RPH3AL: variants seen among roughly 807,000 people sequenced by gnomAD.
RPH3AL encodes the protein rabphilin 3A like (without C2 domains), also known as rab effector Noc2.
In RPH3AL, 38 loss-of-function variants were observed where a neutral mutation model predicts 43.1. That is an observed-to-expected ratio of 0.88 (90% CI 0.68 to 1.15). RPH3AL has a LOEUF of 1.15. Among genes scored for constraint, RPH3AL ranks in the 50% most tolerant of loss-of-function variants. RPH3AL has a pLI of 0.00. For missense variants in RPH3AL, 462 were observed against 423.2 expected (o/e 1.09, Z -0.81); for synonymous variants, 189 against 176.3 (o/e 1.07, Z -0.57).
intron 5 of RPH3AL, among the ~76,000 whole-genome samples, chr17:304,492 C>T (rs370915188): frequency 4.5e-4 from 69 of 152,296 alleles, no homozygotes; most frequent in African/African-American, 1.4e-3. Context: ...TCTGCTGAGG[C>T]TCAAACAACT....
rs867357871 is a variant in RPH3AL at position 299,553 on chromosome 17, C to G, written c.352-17699G>C. On this transcript the variant is annotated intron_variant, in intron 5 of 9. Coordinates refer to ENST00000331302, the MANE Select transcript of RPH3AL (RefSeq NM_006987.4). ...GCCCCCCGTGTCCTCCCACAGGGAA[C>G]AAGACGGGCCAAGTCCATCCCCAGT... Among the ~76,000 whole-genome samples, 8 of 152,308 alleles carry G rather than the reference C, an allele frequency of 5.3e-5. No homozygotes were observed. The South Asian group carries it at 6.2e-4, about 12-fold the overall frequency.
chr17:275,873 C>A (rs2042644275), intron 6 of RPH3AL, among the ~76,000 whole-genome samples: 1 of 152,190 alleles, frequency 6.6e-6, no homozygotes, highest in Admixed American at 6.5e-5. Context: ...TTATTTAAAT[C>A]TTGAACACAC....
Position 290,039 on chromosome 17 carries a change from G to A in RPH3AL, c.352-8185C>T, listed in dbSNP as rs568042743. ...GTTCACCCTCCTGCTCCCTGTGCCC[G>A]GCACAGTGACTATTTGCAGAAGAAC... On this transcript the variant is annotated intron_variant, in intron 5 of 9. Transcript: ENST00000331302. This position sits in a 1 kb window ranked among gnomAD's most constrained non-coding sequence, Gnocchi z 4.2. Among the ~76,000 whole-genome samples the A allele has an allele frequency of 8.5e-5, 13 of 152,276 alleles. No individual in the cohort carries two copies. The East Asian group carries it at 1.9e-3, about 23-fold the overall frequency.
At chr17:221,603 T>G (rs1310840081) in intron 7 of RPH3AL, among the ~76,000 whole-genome samples, 24 of 139,328 alleles carry the variant, frequency 1.7e-4, no homozygotes, top group African/African-American at 5.7e-4. Flanking sequence ...CTCCACTCGG[T>G]GAGACAATAG....
chr17:273,047 A>G (rs1428774999), intron 6 of RPH3AL, among the ~76,000 whole-genome samples: 8 of 110,764 alleles, frequency 7.2e-5, no homozygotes, highest in Admixed American at 2.8e-4. Context: ...GGGCGACGTC[A>G]GGGAGAGACC....
At chr17:214,201 G>A (rs145659051) in intron 9 of RPH3AL, among the ~76,000 whole-genome samples, 7 of 152,324 alleles carry the variant, frequency 4.6e-5, no homozygotes, top group Non-Finnish European at 7.3e-5. Flanking sequence ...AAATGGGCAC[G>A]GAAAGAGAAC....
chr17:323,158 G>T lies in RPH3AL; in HGVS notation c.78-1743C>A, dbSNP rs2044526097. ...ACAGGTGCTTCCCCATGGAAGGAGG[G>T]AGGCGGGTTCAGGCAGAGGAGATCA... On this transcript the variant is annotated intron_variant, in intron 3 of 9. Coordinates refer to ENST00000331302, the MANE Select transcript of RPH3AL (RefSeq NM_006987.4). This position sits in a 1 kb window ranked among gnomAD's most constrained non-coding sequence, Gnocchi z 4.4. Among the ~76,000 whole-genome samples the T allele has an allele frequency of 6.6e-6, 1 of 152,118 alleles. No individual in the cohort carries two copies. The highest frequency in any genetic ancestry group is 2.1e-4 in the South Asian group (1 of 4,828).
At chr17:315,853 C>T (rs1567511754) in intron 5 of RPH3AL, among the ~76,000 whole-genome samples, 7 of 151,588 alleles carry the variant, frequency 4.6e-5, no homozygotes, top group Non-Finnish European at 8.9e-5. Flanking sequence ...CTCCATTGAC[C>T]TGTAGTCCCT....
At chr17:278,860 G>C (rs1199108949) in intron 6 of RPH3AL, among the ~76,000 whole-genome samples, 1 of 152,152 alleles carries the variant, frequency 6.6e-6, no homozygotes, top group African/African-American at 2.4e-5. Flanking sequence ...CTGCCGCCTG[G>C]TGAAAGGGCA....
At chr17:316,875 C>T (rs2044246026) in intron 5 of RPH3AL, among the ~76,000 whole-genome samples, 1 of 152,152 alleles carries the variant, frequency 6.6e-6, no homozygotes, top group Middle Eastern at 3.4e-3. Context: ...CCCTGTGCTC[C>T]ACCTCCATTG....
intron 5 of RPH3AL, among the ~76,000 whole-genome samples, chr17:296,967 G>A (rs1158700325): frequency 1.3e-5 from 2 of 152,162 alleles, no homozygotes; most frequent in African/African-American, 4.8e-5. Flanking sequence ...ATTGTGTGAG[G>A]ACAAACCGTA....
chr17:343,197 C>G (rs1034510254), intron 1 of RPH3AL, among the ~76,000 whole-genome samples: 1 of 152,178 alleles, frequency 6.6e-6, no homozygotes, highest in African/African-American at 2.4e-5. Flanking sequence ...AGGCGACACA[C>G]CAGGTGACAT....
intron 6 of RPH3AL, among the ~76,000 whole-genome samples, chr17:273,016 A>AGGGAGAGACCCCAGCAAGGGTGATG (rs2042534792): frequency 5.2e-5 from 2 of 38,202 alleles, no homozygotes; most frequent in African/African-American, 1.8e-4. Context: ...CGAGGGCGAC[A>AGGGAGAGACCCCAGCAAGGGTGATG]TCAGGAAGAG....
At position 352,695 on chromosome 17, in the gene RPH3AL, G is replaced by A. The variant is rs1465345223; in HGVS notation, c.-213+17C>T. Reference sequence around the variant, plus strand: ...TCTTCCAATGTCCTTGGAGCCATGAGACCCCGAAACACCTACCGGGAACAG... The same window carrying A: ...TCTTCCAATGTCCTTGGAGCCATGAAACCCCGAAACACCTACCGGGAACAG... On this transcript the variant is annotated intron_variant, in intron 1 of 9. Coordinates refer to ENST00000331302, the MANE Select transcript of RPH3AL (RefSeq NM_006987.4). 1 of 152,244 alleles carries A rather than the reference G, an allele frequency of 6.6e-6. No individual in the cohort carries two copies. Among genetic ancestry groups the A allele is most frequent in the Non-Finnish European group, 1.5e-5 (1 of 68,058 alleles). 9.4% of individuals were successfully genotyped at this position (152,244 alleles called of 1,614,324 possible). A position where few individuals can be genotyped will look rare whatever the true frequency, so the allele number is the denominator to read the frequency against.
At chr17:270,425 G>A (rs10163508) in intron 6 of RPH3AL, among the ~76,000 whole-genome samples, 2,387 of 152,286 alleles carry the variant, frequency 0.016, 68 homozygotes, top group African/African-American at 0.053. Context: ...GGCTGGCTGC[G>A]GAGTTTGGGA....
At chr17:227,052 G>T (rs2041123353) in intron 7 of RPH3AL, among the ~76,000 whole-genome samples, 1 of 152,228 alleles carries the variant, frequency 6.6e-6, no homozygotes, top group South Asian at 2.1e-4. Flanking sequence ...TCACCCGGGT[G>T]CCGCCGAGAG....
At chr17:230,385 C>T (rs537504140) in intron 7 of RPH3AL, among the ~76,000 whole-genome samples, 4 of 152,190 alleles carry the variant, frequency 2.6e-5, no homozygotes, top group Non-Finnish European at 5.9e-5. Context: ...CGGCTCCCTC[C>T]AGAGAGAACG....
rs565274775 is a variant in RPH3AL, at chr17:297,503, A to G, written c.352-15649T>C. Among the ~76,000 whole-genome samples the G allele has an allele frequency of 1.5e-4, 23 of 152,322 alleles. No individual in the cohort carries two copies. In the South Asian group the frequency reaches 4.8e-3, roughly 32 times the overall value. On this transcript the variant is annotated intron_variant, in intron 5 of 9. Transcript: ENST00000331302. ...GGGATCTGATGCTACCTCCGGGTAG[A>G]CAGCGTCTGAACTGAGCACAGCCCA...
intron 5 of RPH3AL, among the ~76,000 whole-genome samples, chr17:306,939 C>T (rs1218962008): frequency 6.6e-6 from 1 of 152,186 alleles, no homozygotes; most frequent in Admixed American, 6.5e-5. Context: ...GGCACACTGC[C>T]TCTGCCGAGC....
Sources: gnomAD v4.1 joint callset for allele counts (sites outside exome capture counted in the v4.1 genomes callset) on GRCh38, gnomAD v4.1.1 for gene constraint, Gnocchi (gnomAD v3.1) non-coding constraint, MANE v1.5 for transcripts, NCBI Gene and HGNC (gene_info 2026-07-23, HGNC 2026-07-21) for gene names.